SIK2: variants seen among roughly 807,000 people sequenced by gnomAD.
The protein encoded by SIK2 is serine/threonine-protein kinase SIK2.
A neutral mutation model predicts 103.2 loss-of-function variants in SIK2; 29 were observed. That is an observed-to-expected ratio of 0.28 (90% CI 0.21 to 0.38). The LOEUF is 0.38. SIK2 is among the 10% of genes least tolerant of loss of function. SIK2 has a pLI of 1.00. For missense variants in SIK2, 879 were observed against 1,171.0 expected, an observed-to-expected ratio of 0.75 and a Z score of 3.64; for synonymous variants, 412 against 446.1, an observed-to-expected ratio of 0.92 and a Z score of 0.96.
intron 7 of SIK2, among the ~76,000 whole-genome samples, chr11:111,704,174 T>G (rs1943283325): frequency 6.6e-6 from 1 of 152,216 alleles, no homozygotes; most frequent in Admixed American, 6.5e-5. Context: ...TTGCTCACTT[T>G]GCGCCCAGTG....
At position 111,726,459 on chromosome 11, in the gene SIK2, C is replaced by G. The variant is rs1943969898; in HGVS notation, c.*2330C>G. The G allele has an allele frequency of 6.5e-6, 1 of 154,864 alleles. No individual in the cohort carries two copies. Among genetic ancestry groups the G allele is most frequent in the Non-Finnish European group, 1.4e-5 (1 of 69,562 alleles). 9.6% of individuals were successfully genotyped at this position (154,864 alleles called of 1,614,324 possible). On this transcript the variant is annotated 3_prime_UTR_variant, in exon 15 of 15. Transcript: ENST00000304987. ...GTCACACACGGCAGCGGCGTGGACA[C>G]CGGCCTGATGCAGAGCGTGACCCCT...
At chr11:111,621,949 CT>C (rs1941892753) in intron 3 of SIK2, among the ~76,000 whole-genome samples, 1 of 151,518 alleles carries the variant, frequency 6.6e-6, no homozygotes, top group African/African-American at 2.4e-5. Context: ...GTGTACTTCT[CT>C]TTTGCCCCTC....
At chr11:111,684,692 C>T (rs1225775222) in intron 3 of SIK2, among the ~76,000 whole-genome samples, 1 of 152,220 alleles carries the variant, frequency 6.6e-6, no homozygotes, top group Non-Finnish European at 1.5e-5. Context: ...CGCTCTTATG[C>T]AGAGAAGGCA....
chr11:111,647,414 C>T (rs1321819737), intron 3 of SIK2, among the ~76,000 whole-genome samples: 1 of 151,908 alleles, frequency 6.6e-6, no homozygotes, highest in Non-Finnish European at 1.5e-5. Flanking sequence ...AGCCAAAATA[C>T]CCCTTTTTTC....
chr11:111,633,147 C>T (rs778939943), intron 3 of SIK2, among the ~76,000 whole-genome samples: 6 of 152,184 alleles, frequency 3.9e-5, no homozygotes, highest in Non-Finnish European at 7.3e-5. Context: ...AAGCCCTTTG[C>T]TCTCTGCCTA....
At position 111,725,625 on chromosome 11, in the gene SIK2, G is replaced by A. The variant is rs1943941074; in HGVS notation, c.*1496G>A. ...AGCAGATGAATGTGTTAAGCACAAA[G>A]CATCTTCCTTAAAGCACAAAGAGAG... On this transcript the variant is annotated 3_prime_UTR_variant, in exon 15 of 15. Coordinates refer to ENST00000304987, the MANE Select transcript of SIK2 (RefSeq NM_015191.3). 6.6e-6 allele frequency: 1 copy of A among 152,666 alleles called. No homozygotes were observed. The highest frequency in any genetic ancestry group is 1.5e-5 in the Non-Finnish European group (1 of 68,044). 9.5% of individuals were successfully genotyped at this position (152,666 alleles called of 1,614,324 possible).
chr11:111,718,890 G>T (rs1328764964), intron 9 of SIK2: 1 of 152,216 alleles, frequency 6.6e-6, no homozygotes, highest in Non-Finnish European at 1.5e-5. Context: ...CTCCTCACAG[G>T]GGCCTTTACC....
At chr11:111,675,837 A>G in intron 3 of SIK2, among the ~76,000 whole-genome samples, 1 of 152,076 alleles carries the variant, frequency 6.6e-6, no homozygotes, top group African/African-American at 2.4e-5. Context: ...TGGATATACA[A>G]ATTATTTTGT....
intron 1 of SIK2, among the ~76,000 whole-genome samples, chr11:111,608,379 T>C (rs1281590211): frequency 6.6e-6 from 1 of 152,202 alleles, no homozygotes; most frequent in East Asian, 1.9e-4. Flanking sequence ...AGTATTGATA[T>C]GGTTTCCCCC....
intron 3 of SIK2, among the ~76,000 whole-genome samples, chr11:111,634,337 T>G (rs1942077550): frequency 6.6e-6 from 1 of 152,214 alleles, no homozygotes; most frequent in South Asian, 2.1e-4. Context: ...GTTAATATCT[T>G]CACAGCCTGA....
chr11:111,701,345 A>G lies in SIK2; in HGVS notation c.604-107A>G, dbSNP rs1432369914. On this transcript the variant is annotated intron_variant, in intron 5 of 14. Coordinates refer to ENST00000304987, the MANE Select transcript of SIK2 (RefSeq NM_015191.3). The surrounding 1 kb of genome is among the most constrained non-coding windows in gnomAD (Gnocchi z 4.2). ...TTCTGAGAAAATAATAAATCCAGAC[A>G]GGAATTTTTCAGTCCATATGATTTC... 1 of 1,383,242 alleles carries G rather than the reference A, an allele frequency of 7.2e-7. No homozygotes were observed. The highest frequency in any genetic ancestry group is 1.4e-5 in the African/African-American group (1 of 69,180). 85.7% of individuals were successfully genotyped at this position (1,383,242 alleles called of 1,614,324 possible).
At chr11:111,621,151 C>T (rs190198638) in intron 3 of SIK2, among the ~76,000 whole-genome samples, 9 of 152,276 alleles carry the variant, frequency 5.9e-5, no homozygotes, top group South Asian at 2.1e-4. Flanking sequence ...TTTTGATACA[C>T]GTTTGTGAAA....
chr11:111,639,981 T>C (rs138837050), intron 3 of SIK2, among the ~76,000 whole-genome samples: 5 of 152,358 alleles, frequency 3.3e-5, no homozygotes, highest in African/African-American at 9.6e-5. Context: ...TTGTATACTC[T>C]CTGTTACTGC....
chr11:111,651,728 G>A (rs1942329382), intron 3 of SIK2, among the ~76,000 whole-genome samples: 1 of 136,842 alleles, frequency 7.3e-6, no homozygotes, highest in African/African-American at 2.9e-5. Context: ...GCCATTGTTT[G>A]TACATTCATT....
intron 3 of SIK2, among the ~76,000 whole-genome samples, chr11:111,679,530 C>A (rs1168448421): frequency 6.6e-6 from 1 of 152,166 alleles, no homozygotes; most frequent in Non-Finnish European, 1.5e-5. Flanking sequence ...AAGTGTTTTA[C>A]AATCTGTAGT....
chr11:111,725,875 C>T lies in SIK2; in HGVS notation c.*1746C>T, dbSNP rs1326891402. The T allele has an allele frequency of 6.6e-6, 1 of 152,370 alleles. No homozygotes were observed. Among genetic ancestry groups the T allele is most frequent in the African/African-American group, 2.4e-5 (1 of 41,446 alleles). 9.4% of individuals were successfully genotyped at this position (152,370 alleles called of 1,614,324 possible). ...CAGGATGCTTCGCAGAGGCACTGTGCTCACGGTTGGACTTGGTGTCAGTGG... is the reference window on the plus strand; with the variant it reads ...CAGGATGCTTCGCAGAGGCACTGTGTTCACGGTTGGACTTGGTGTCAGTGG... On this transcript the variant is annotated 3_prime_UTR_variant, in exon 15 of 15. Coordinates refer to ENST00000304987, the MANE Select transcript of SIK2 (RefSeq NM_015191.3).
At chr11:111,670,045 A>G (rs1291042461) in intron 3 of SIK2, among the ~76,000 whole-genome samples, 2 of 152,184 alleles carry the variant, frequency 1.3e-5, no homozygotes, top group Non-Finnish European at 2.9e-5. Context: ...TGCTGAAAAC[A>G]TCCTATTATA....
At chr11:111,643,318 G>T (rs1246001459) in intron 3 of SIK2, among the ~76,000 whole-genome samples, 1 of 152,070 alleles carries the variant, frequency 6.6e-6, no homozygotes, top group Admixed American at 6.5e-5. Flanking sequence ...AAGGTTGGGG[G>T]CGAGGGGAGG....
rs1352401750 is a variant in SIK2, at chr11:111,712,373, A to G, written c.1264A>G (p.Lys422Glu). 1.2e-6 allele frequency: 2 copies of G among 1,613,478 alleles called. No individual in the cohort carries two copies. Among genetic ancestry groups the G allele is most frequent in the Non-Finnish European group, 8.5e-7 (1 of 1,179,704 alleles). Residue 422 changes from lysine to glutamate, a missense_variant and splice_region_variant, in exon 9 of 15, where the codon AAG becomes GAG. Lys to Glu is a moderately conservative substitution (Grantham distance 56, BLOSUM62 1). Coordinates refer to ENST00000304987, the MANE Select transcript of SIK2 (RefSeq NM_015191.3). ...FMEEECVDTP[K>E]VNGCLLDPVP... is the part of the protein sequence containing the mutation. ...GGAAGAAGAGTGTGTGGACACTCCA[A>G]AGGTACGGCTATGTTTGAGAGTCTC...
Sources: allele counts gnomAD v4.1 joint callset (sites outside exome capture counted in the v4.1 genomes callset), GRCh38; gene constraint gnomAD v4.1.1; non-coding constraint Gnocchi (gnomAD v3.1); transcripts MANE v1.5; gene names NCBI Gene and HGNC (gene_info 2026-07-23, HGNC 2026-07-21).